The following THSD7B variants were observed in gnomAD, a reference collection of about 807,000 sequenced individuals.
The protein encoded by THSD7B is thrombospondin type-1 domain-containing protein 7B.
In THSD7B, 138 loss-of-function variants were observed where a neutral mutation model predicts 213.6. The ratio of observed to expected loss-of-function variants is 0.65; its 90% CI spans 0.56 to 0.74. The LOEUF is 0.74. Among genes scored for constraint, THSD7B ranks in the 30% least tolerant of loss-of-function variants. The probability of loss-of-function intolerance (pLI) is 0.00; values close to 1 mark genes in which losing one functional copy is unlikely to be tolerated. For synonymous variants in THSD7B, 742 were observed against 687.0 expected, an observed-to-expected ratio of 1.08 and a Z score of -1.25; for missense variants, 1,931 against 1,991.5, an observed-to-expected ratio of 0.97 and a Z score of 0.58.
At chr2:136,903,977 T>A (rs1684109507) in intron 2 of THSD7B, among the ~76,000 whole-genome samples, 1 of 60,158 alleles carries the variant, frequency 1.7e-5, no homozygotes, top group Non-Finnish European at 5.9e-5. Context: ...TGTGTGTTTG[T>A]TTGTTTCTGA....
chr2:137,308,889 G>A (rs1471619440), intron 12 of THSD7B, among the ~76,000 whole-genome samples: 1 of 152,000 alleles, frequency 6.6e-6, no homozygotes, highest in Non-Finnish European at 1.5e-5. Context: ...CAAAGCTACT[G>A]ATCATATGAA....
intron 2 of THSD7B, among the ~76,000 whole-genome samples, chr2:136,909,169 C>A (rs1199770930): frequency 6.6e-6 from 1 of 151,970 alleles, no homozygotes; most frequent in Non-Finnish European, 1.5e-5. Context: ...GGTAACAGAG[C>A]AAGACCTTGT....
chr2:137,140,907 G>A (rs538071728), intron 5 of THSD7B, among the ~76,000 whole-genome samples: 53 of 152,278 alleles, frequency 3.5e-4, no homozygotes, highest in African/African-American at 1.2e-3. Flanking sequence ...GTAAGAGTGG[G>A]TACTGCTTCA....
At chr2:137,508,376 A>AT (rs11383871) in intron 15 of THSD7B, among the ~76,000 whole-genome samples, 34,580 of 107,886 alleles carry the variant, frequency 0.32, 7,052 homozygotes, top group African/African-American at 0.45. Context: ...AAATAAAACA[A>AT]TTTTTTTTTT....
chr2:136,968,005 TATTC>T (rs1471784089), intron 2 of THSD7B, among the ~76,000 whole-genome samples: 2 of 152,184 alleles, frequency 1.3e-5, no homozygotes, highest in Non-Finnish European at 2.9e-5. Context: ...ACAATTTACT[TATTC>T]ATTCTATTAT....
chr2:137,560,411 A>C (rs1273767516), intron 15 of THSD7B, among the ~76,000 whole-genome samples: 7 of 152,322 alleles, frequency 4.6e-5, no homozygotes, highest in South Asian at 4.1e-4. Context: ...TGTCCTTTGT[A>C]GGGACATGGA....
intron 17 of THSD7B, among the ~76,000 whole-genome samples, chr2:137,597,187 C>G (rs1681977615): frequency 6.6e-6 from 1 of 151,928 alleles, no homozygotes; most frequent in African/African-American, 2.4e-5. Context: ...CATGGAAGTG[C>G]CTTGCTGGAT....
At chr2:137,267,420 C>T (rs985602180) in intron 10 of THSD7B, among the ~76,000 whole-genome samples, 3 of 152,044 alleles carry the variant, frequency 2.0e-5, no homozygotes, top group South Asian at 2.1e-4. Context: ...AATCTGTAAG[C>T]GAGTGCTATT....
intron 20 of THSD7B, among the ~76,000 whole-genome samples, chr2:137,625,484 A>C (rs1477276632): frequency 6.6e-6 from 1 of 151,890 alleles, no homozygotes; most frequent in Non-Finnish European, 1.5e-5. Flanking sequence ...TTAAAAAAAA[A>C]AATAGAAAAA....
chr2:137,187,635 A>G (rs1207562760), intron 7 of THSD7B, among the ~76,000 whole-genome samples: 14 of 152,220 alleles, frequency 9.2e-5, no homozygotes. Flanking sequence ...AATGAATGCC[A>G]GAGTAACTAC....
intron 20 of THSD7B, among the ~76,000 whole-genome samples, chr2:137,624,512 A>G (rs1573750165): frequency 6.6e-6 from 1 of 152,360 alleles, no homozygotes; most frequent in South Asian, 2.1e-4. Context: ...ACAGCAAAAG[A>G]AACTACCATC....
intron 15 of THSD7B, among the ~76,000 whole-genome samples, chr2:137,521,403 G>A (rs1680181741): frequency 6.6e-6 from 1 of 152,096 alleles, no homozygotes; most frequent in South Asian, 2.1e-4. Flanking sequence ...CATGGGTAGA[G>A]AGATCTGTAA....
intron 24 of THSD7B, among the ~76,000 whole-genome samples, chr2:137,657,738 G>C (rs1186805347): frequency 2.6e-5 from 4 of 152,146 alleles, no homozygotes; most frequent in African/African-American, 9.7e-5. Flanking sequence ...CCTCATTCAT[G>C]ATGGCAGATA....
chr2:137,531,542 A>C (rs1680396967), intron 15 of THSD7B, among the ~76,000 whole-genome samples: 1 of 151,924 alleles, frequency 6.6e-6, no homozygotes, highest in East Asian at 1.9e-4. Flanking sequence ...GAGTTTTTTA[A>C]GCAGTAAAAT....
intron 12 of THSD7B, among the ~76,000 whole-genome samples, chr2:137,384,041 G>A (rs1187430765): frequency 6.6e-6 from 1 of 152,198 alleles, no homozygotes; most frequent in African/African-American, 2.4e-5. Context: ...AAAGGACCAA[G>A]GGTGTTGAGA....
At chr2:137,388,877 T>C (rs187067698) in intron 12 of THSD7B, among the ~76,000 whole-genome samples, 201 of 152,248 alleles carry the variant, frequency 1.3e-3, no homozygotes, top group Middle Eastern at 3.4e-3. Context: ...ATCAGTATTC[T>C]ATTGTGTATA....
At chr2:137,552,866 C>A (rs1429403761) in intron 15 of THSD7B, among the ~76,000 whole-genome samples, 2 of 152,200 alleles carry the variant, frequency 1.3e-5, no homozygotes, top group Middle Eastern at 3.4e-3. Flanking sequence ...GCCCAGAGAA[C>A]CCATGTGGGG....
At chr2:137,321,173 A>C (rs1317497118) in intron 12 of THSD7B, among the ~76,000 whole-genome samples, 1 of 152,220 alleles carries the variant, frequency 6.6e-6, no homozygotes, top group Non-Finnish European at 1.5e-5. Context: ...CCTTATAAAA[A>C]TTATTCTTTC....
In THSD7B at chr2:137,312,192, T is replaced by G. The variant is rs565779126; in HGVS notation, c.2500+36166T>G. Among the ~76,000 whole-genome samples, 115 of 152,346 alleles carry G rather than the reference T, an allele frequency of 7.5e-4. 1 individual carries two copies. Among genetic ancestry groups the G allele is most frequent in the African/African-American group, 2.7e-3 (111 of 41,574 alleles). On this transcript the variant is annotated intron_variant, in intron 12 of 27. Transcript: ENST00000409968. ...ATTGCCACAATTTCAGCTCCTGTTA[T>G]TGCCCTATTCAGAGATTCAACTTCT... is the stretch of plus-strand genomic sequence containing the variant.
Sources: gnomAD v4.1 joint callset for allele counts (sites outside exome capture counted in the v4.1 genomes callset) on GRCh38, gnomAD v4.1.1 for gene constraint, MANE v1.5 for transcripts, NCBI Gene and HGNC (gene_info 2026-07-23, HGNC 2026-07-21) for gene names.